Variants in HEATR1 observed in about 807,000 individuals in gnomAD.
The protein encoded by HEATR1 is HEAT repeat-containing protein 1.
A neutral mutation model predicts 248.2 loss-of-function variants in HEATR1; 77 were observed. The observed-to-expected ratio is 0.31, with a 90% CI of 0.26 to 0.37. The LOEUF (loss-of-function observed/expected upper bound fraction) is 0.37. HEATR1 is among the 10% of genes least tolerant of loss of function. The pLI is 1.00. For synonymous variants in HEATR1, 897 were observed against 923.1 expected (o/e 0.97, Z 0.51); for missense variants, 2,420 against 2,504.9 (o/e 0.97, Z 0.72).
intron 32 of HEATR1, 50 bp downstream of exon 32, chr1:236,564,448 T>C (rs745532493): frequency 3.2e-6 from 5 of 1,551,576 alleles, no homozygotes; most frequent in Admixed American, 1.7e-5. Flanking sequence ...GAACAGTTCC[T>C]TGGAGACAGC....
At chr1:236,583,388 T>G (rs1663804989) in intron 17 of HEATR1, among the ~76,000 whole-genome samples, 192 bp from the exon 18 acceptor site, 1 of 152,210 alleles carries the variant, frequency 6.6e-6, no homozygotes, top group Non-Finnish European at 1.5e-5. Flanking sequence ...AAGTTAAATT[T>G]TATCTATGTC....
At chr1:236,561,594 T>TA (rs1196511447) in intron 32 of HEATR1, among the ~76,000 whole-genome samples, 1 of 152,210 alleles carries the variant, frequency 6.6e-6, no homozygotes, top group Non-Finnish European at 1.5e-5. Context: ...GTTGAGAAGT[T>TA]AAACATTACA....
At chr1:236,593,504 G>A (rs193237808) in intron 9 of HEATR1, among the ~76,000 whole-genome samples, 13 of 148,334 alleles carry the variant, frequency 8.8e-5, no homozygotes, top group African/African-American at 3.3e-4. Context: ...TATAGCCCTG[G>A]AAGTGGTAGG....
Position 236,555,583 on chromosome 1 carries a change from A to C in HEATR1, c.5722T>G (p.Ser1908Ala). ...AACAGGGGCCTGAATGTGACCTCGG[A>C]AAGTTTGACAACCATGGCTACTAGA... is the stretch of plus-strand genomic sequence containing the variant. Reference protein sequence around the residue: ...DCLVAMVVKLSEVTFRPLFFK... With the variant: ...DCLVAMVVKLAEVTFRPLFFK... The change falls in exon 40 of 45, where the codon TCC becomes GCC. Residue 1908 changes from serine (S) to alanine (A), a missense_variant. Physicochemically the swap from Ser to Ala is moderately conservative, Grantham distance 99 (BLOSUM62 1). Coordinates refer to ENST00000366582, the MANE Select transcript of HEATR1 (RefSeq NM_018072.6). The C allele has an allele frequency of 6.2e-7, 1 of 1,614,230 alleles. No individual in the cohort carries two copies. The highest frequency in any genetic ancestry group is 1.6e-4 in the Middle Eastern group (1 of 6,062).
chr1:236,570,181 C>T (rs554863829), intron 28 of HEATR1, among the ~76,000 whole-genome samples: 83 of 152,116 alleles, frequency 5.5e-4, no homozygotes, highest in Non-Finnish European at 1.0e-3. Flanking sequence ...CCTAGCTACT[C>T]GGGAGGCGGA....
At chr1:236,554,807 T>C in intron 41 of HEATR1, 55 bp from the exon 42 acceptor site, 1 of 1,430,702 alleles carries the variant, frequency 7.0e-7, no homozygotes. Flanking sequence ...CCATTTAATC[T>C]CCAATGTTTA....
intron 10 of HEATR1, 30 bp downstream of exon 10, chr1:236,592,493 G>C (rs1422312644): frequency 1.4e-5 from 12 of 873,960 alleles, no homozygotes; most frequent in Non-Finnish European, 2.1e-5. Context: ...AAGTACTTTA[G>C]AAGAGCATAA....
At chr1:236,571,732 A>G (rs1663432839) in intron 26 of HEATR1, 46 bp from the exon 27 acceptor site, 1 of 1,393,688 alleles carries the variant, frequency 7.2e-7, no homozygotes, top group Non-Finnish European at 1.0e-6. Context: ...TAAAAGTTGT[A>G]CAATTCATTG....
chr1:236,552,872 C>G (rs567513178), intron 43 of HEATR1: 1 of 152,168 alleles, frequency 6.6e-6, no homozygotes, highest in African/African-American at 2.4e-5. Flanking sequence ...AAATTTGATA[C>G]TGCTACTTGT....
chr1:236,602,045 A>G (rs1358308508), intron 3 of HEATR1, among the ~76,000 whole-genome samples: 1 of 151,916 alleles, frequency 6.6e-6, no homozygotes, highest in Non-Finnish European at 1.5e-5. Context: ...AGGCTGAGGC[A>G]GGAGAATTGC....
chr1:236,594,567 G>C (rs1664124592), intron 8 of HEATR1, among the ~76,000 whole-genome samples: 1 of 151,960 alleles, frequency 6.6e-6, no homozygotes, highest in African/African-American at 2.4e-5. Flanking sequence ...TCAAAGACTG[G>C]GACATTACTC....
At chr1:236,596,611 C>A (rs989613376) in intron 6 of HEATR1, among the ~76,000 whole-genome samples, 6 of 152,108 alleles carry the variant, frequency 3.9e-5, no homozygotes, top group Admixed American at 2.0e-4. Context: ...AGGAGATGGC[C>A]GCAGGACCAG....
At chr1:236,587,335 A>T (rs1663921730) in intron 14 of HEATR1, 67 bp downstream of exon 14, 2 of 739,868 alleles carry the variant, frequency 2.7e-6, no homozygotes, top group Non-Finnish European at 4.1e-6. Context: ...AAAGAAGAAG[A>T]AATAGAAAGA....
intron 32 of HEATR1, among the ~76,000 whole-genome samples, chr1:236,562,026 T>C (rs945772276): frequency 2.0e-5 from 3 of 152,178 alleles, no homozygotes; most frequent in Non-Finnish European, 4.4e-5. Context: ...ATCCTGCCAA[T>C]TGCTTTCTAA....
intron 28 of HEATR1, among the ~76,000 whole-genome samples, chr1:236,570,577 G>A (rs78835362): frequency 0.049 from 7,438 of 152,036 alleles, 412 homozygotes; most frequent in East Asian, 0.13. Flanking sequence ...AGATCGTGGT[G>A]GTGATTACAG....
intron 29 of HEATR1, among the ~76,000 whole-genome samples, chr1:236,568,270 T>C (rs551317029): frequency 7.2e-5 from 11 of 152,340 alleles, no homozygotes; most frequent in African/African-American, 2.4e-4. Flanking sequence ...ATCATATGAA[T>C]GCATATTATT....
At chr1:236,589,243 C>T (rs1032424948) in intron 12 of HEATR1, among the ~76,000 whole-genome samples, 1 of 152,164 alleles carries the variant, frequency 6.6e-6, no homozygotes, top group Non-Finnish European at 1.5e-5. Context: ...AATTTCTTAT[C>T]ACTGAAATCC....
chr1:236,564,571 T>C lies in HEATR1; in HGVS notation c.4526A>G (p.Gln1509Arg), dbSNP rs1663219292. 2 of 1,613,920 alleles carry C rather than the reference T, an allele frequency of 1.2e-6. No individual in the cohort carries two copies. Among genetic ancestry groups the C allele is most frequent in the Middle Eastern group, 1.7e-4 (1 of 6,028 alleles). ...VFNVETHTSKQLRHFKFLSVS... is the reference protein window; with the variant it reads ...VFNVETHTSKRLRHFKFLSVS... The stretch of plus-strand genomic sequence containing the variant: ...TGACAAAAATTTAAAATGCCGCAGT[T>C]GCTTGCTAGTGTGAGTCTCTACATT... The change falls in exon 32 of 45, where the codon CAA becomes CGA. Residue 1509 changes from glutamine (Q) to arginine (R), a missense_variant. Transcript: ENST00000366582.
chr1:236,603,025 TCACA>T, intron 3 of HEATR1, 131 bp downstream of exon 3: 1 of 636,454 alleles, frequency 1.6e-6, no homozygotes, highest in Non-Finnish European at 2.8e-6. Context: ...CATGCTTATC[TCACA>T]CAATGGACAT....
Sources: gnomAD v4.1 joint callset for allele counts (sites outside exome capture counted in the v4.1 genomes callset) on GRCh38, gnomAD v4.1.1 for gene constraint, MANE v1.5 for transcripts, NCBI Gene and HGNC (gene_info 2026-07-23, HGNC 2026-07-21) for gene names.